PACSIN2: variants seen among roughly 807,000 people sequenced by gnomAD.
PACSIN2 encodes the protein protein kinase C and casein kinase substrate in neurons protein 2.
A neutral mutation model predicts 63.8 loss-of-function variants in PACSIN2; 25 were observed. That is an observed-to-expected ratio of 0.39 (90% CI 0.29 to 0.55). The LOEUF is 0.55. PACSIN2 is among the 20% of genes least tolerant of loss of function. PACSIN2 has a pLI of 0.62. For synonymous variants in PACSIN2, 255 were observed against 256.2 expected (o/e 1.00, Z 0.05); for missense variants, 518 against 646.9 (o/e 0.80, Z 2.16).
At chr22:42,911,407 TAAAAAAAAAAAAA>T (rs75497964) in intron 2 of PACSIN2, among the ~76,000 whole-genome samples, 1 of 111,470 alleles carries the variant, frequency 9.0e-6, no homozygotes, top group Admixed American at 9.5e-5. Context: ...CCTCAACTGT[TAAAAAAAAAAAAA>T]AAAAAAAGAT....
In PACSIN2 at chr22:42,981,876, G is replaced by A. The variant is rs1922183238; in HGVS notation, c.-78+33145C>T. On this transcript the variant is annotated intron_variant, in intron 1 of 10. Coordinates refer to ENST00000263246, the MANE Select transcript of PACSIN2 (RefSeq NM_001184970.3). Reference sequence around the variant, plus strand: ...CGCCCCGTCCGGGAGGGAGGTGGGGGGATCAGCCCCCCGCCTGGCCAGCCG... The same window carrying A: ...CGCCCCGTCCGGGAGGGAGGTGGGGAGATCAGCCCCCCGCCTGGCCAGCCG... Among the ~76,000 whole-genome samples the A allele has an allele frequency of 2.8e-5, 3 of 105,746 alleles. No homozygotes were observed. The South Asian group carries it at 1.1e-3, about 40-fold the overall frequency. The allele number at this position is 105,746 out of a possible 152,430, so 69.4% of individuals were successfully genotyped here. A position where few individuals can be genotyped will look rare whatever the true frequency, so the allele number is the denominator to read the frequency against.
rs759532303 is a variant in PACSIN2, at chr22:42,982,888, A to AAAAAAAAAAAAAAAAAAC, written c.-78+32132_-78+32133insGTTTTTTTTTTTTTTTTT. On this transcript the variant is annotated intron_variant, in intron 1 of 10. Coordinates refer to ENST00000263246, the MANE Select transcript of PACSIN2 (RefSeq NM_001184970.3). ...GATCAATAAAAAAAAAAAAAAAAAA[A>AAAAAAAAAAAAAAAAAAC]AACAACAACAAGGCTAGGAGCAGTG... Among the ~76,000 whole-genome samples, 429 of 104,644 alleles carry AAAAAAAAAAAAAAAAAAC rather than the reference A, an allele frequency of 4.1e-3. 25 individuals are homozygous for AAAAAAAAAAAAAAAAAAC. Among genetic ancestry groups the AAAAAAAAAAAAAAAAAAC allele is most frequent in the Non-Finnish European group, 7.1e-3 (336 of 47,546 alleles). 68.7% of individuals were successfully genotyped at this position (104,644 alleles called of 152,430 possible).
At chr22:42,968,540 A>T (rs1215756208) in intron 1 of PACSIN2, among the ~76,000 whole-genome samples, 3 of 152,172 alleles carry the variant, frequency 2.0e-5, no homozygotes, top group Non-Finnish European at 4.4e-5. Context: ...TTAGAGTTTT[A>T]GGTGTCAACT....
chr22:42,879,466 C>T (rs946607844), intron 7 of PACSIN2, among the ~76,000 whole-genome samples: 6 of 152,200 alleles, frequency 3.9e-5, no homozygotes, highest in African/African-American at 1.4e-4. Flanking sequence ...AGAGGACCAG[C>T]GGGGGTGGCG....
intron 1 of PACSIN2, among the ~76,000 whole-genome samples, chr22:42,961,106 T>C (rs914526247): frequency 6.6e-6 from 1 of 152,118 alleles, no homozygotes; most frequent in South Asian, 2.1e-4. Flanking sequence ...CGGGTGTATG[T>C]AGGGATGGGA....
At chr22:43,009,479 G>A (rs768081189) in intron 1 of PACSIN2, among the ~76,000 whole-genome samples, 1 of 152,214 alleles carries the variant, frequency 6.6e-6, no homozygotes, top group Non-Finnish European at 1.5e-5. Context: ...CTGGGTCCAC[G>A]CCTATGAAGC....
chr22:42,914,739 C>G (rs1931698762), intron 1 of PACSIN2, among the ~76,000 whole-genome samples: 1 of 152,204 alleles, frequency 6.6e-6, no homozygotes, highest in Non-Finnish European at 1.5e-5. Flanking sequence ...CAGGGAAGAG[C>G]AGGCCCCTGC....
At chr22:42,880,531 C>A (rs144151764) in intron 7 of PACSIN2, 3 of 152,270 alleles carry the variant, frequency 2.0e-5, no homozygotes, top group South Asian at 4.1e-4. Context: ...AGGAGCCTAG[C>A]GGGGGCAGCA....
chr22:42,949,682 TCACA>T (rs746717218), intron 1 of PACSIN2, among the ~76,000 whole-genome samples: 2 of 149,388 alleles, frequency 1.3e-5, no homozygotes, highest in Non-Finnish European at 3.0e-5. Flanking sequence ...ACACATACAC[TCACA>T]CACACACACT....
chr22:42,945,801 A>C (rs1933391197), intron 1 of PACSIN2: 2 of 152,610 alleles, frequency 1.3e-5, no homozygotes, highest in South Asian at 2.1e-4. Flanking sequence ...CCACTTGTTT[A>C]GTCCCCGACT....
At chr22:42,973,288 T>C (rs1217263858) in intron 1 of PACSIN2, among the ~76,000 whole-genome samples, 1 of 152,230 alleles carries the variant, frequency 6.6e-6, no homozygotes, top group African/African-American at 2.4e-5. Flanking sequence ...AATGACAGAC[T>C]CTGTCACAGG....
At chr22:42,940,225 A>T (rs738390) in intron 1 of PACSIN2, among the ~76,000 whole-genome samples, 35,401 of 152,122 alleles carry the variant, frequency 0.23, 5,014 homozygotes, top group Non-Finnish European at 0.31. Context: ...CAAACTCCTT[A>T]ACTACTCAGT....
chr22:42,905,927 A>T (rs1285466853), intron 2 of PACSIN2, among the ~76,000 whole-genome samples: 2 of 152,210 alleles, frequency 1.3e-5, no homozygotes, highest in African/African-American at 4.8e-5. Flanking sequence ...ACCTTCAGTC[A>T]TATCTACCTG....
At chr22:42,926,215 G>A (rs1193138522) in intron 1 of PACSIN2, among the ~76,000 whole-genome samples, 1 of 152,138 alleles carries the variant, frequency 6.6e-6, no homozygotes, top group African/African-American at 2.4e-5. Context: ...ATTCAACAAC[G>A]GGAAACAGCT....
At chr22:42,955,834 A>T (rs1440888666) in intron 1 of PACSIN2, among the ~76,000 whole-genome samples, 2 of 152,236 alleles carry the variant, frequency 1.3e-5, no homozygotes, top group Non-Finnish European at 2.9e-5. Flanking sequence ...ACTGGTGATC[A>T]GTCTACTACG....
intron 1 of PACSIN2, among the ~76,000 whole-genome samples, chr22:42,957,847 T>G (rs1369897091): frequency 2.6e-5 from 4 of 152,160 alleles, no homozygotes; most frequent in Non-Finnish European, 5.9e-5. Flanking sequence ...GGCATTCTCA[T>G]CTGGCAAGCA....
At position 42,892,155 on chromosome 22, in the gene PACSIN2, C is replaced by A. The variant is rs377121259; in HGVS notation, c.218-973G>T. 2.6e-5 allele frequency among the ~76,000 whole-genome samples: 4 copies of A among 152,274 alleles called. No homozygotes were observed. The South Asian group carries it at 8.3e-4, about 32-fold the overall frequency. On this transcript the variant is annotated intron_variant, in intron 3 of 10. Transcript: ENST00000263246. ...CGAGGCTCAGGAAGGAAGCCCTAAT[C>A]CAGGCTGGCATTTCTATTCAGGGGG...
At chr22:42,980,653 G>C (rs1315482292) in intron 1 of PACSIN2, among the ~76,000 whole-genome samples, 14 of 117,744 alleles carry the variant, frequency 1.2e-4, no homozygotes, top group African/African-American at 4.3e-4. Flanking sequence ...CGCCTGACTG[G>C]TTTTCGTTTT....
chr22:42,916,431 G>T (rs1439993935), intron 1 of PACSIN2, among the ~76,000 whole-genome samples: 1 of 151,540 alleles, frequency 6.6e-6, no homozygotes, highest in Non-Finnish European at 1.5e-5. Flanking sequence ...TGGGGAAGGG[G>T]GGCCTTGAGG....
Sources: gnomAD v4.1 joint callset for allele counts (sites outside exome capture counted in the v4.1 genomes callset) on GRCh38, gnomAD v4.1.1 for gene constraint, MANE v1.5 for transcripts, NCBI Gene and HGNC (gene_info 2026-07-23, HGNC 2026-07-21) for gene names.